PTGIS: variants seen among roughly 807,000 people sequenced by gnomAD.
PTGIS encodes the protein prostaglandin I2 synthase, also known as prostacyclin synthase.
In PTGIS, 45 loss-of-function variants were observed where a neutral mutation model predicts 50.3. The observed-to-expected ratio is 0.90, with a 90% CI of 0.70 to 1.15. PTGIS has a LOEUF of 1.15. PTGIS is among the 50% of genes most tolerant of loss of function. PTGIS has a pLI of 0.00. For missense variants in PTGIS, 668 were observed against 661.3 expected, an observed-to-expected ratio of 1.01 and a Z score of -0.11; for synonymous variants, 260 against 267.7, an observed-to-expected ratio of 0.97 and a Z score of 0.28.
Position 49,513,136 on chromosome 20 carries a change from G to A in PTGIS, c.1150C>T (p.Leu384Phe). ...TGGGGGCTCAGGAAGGGGAAGAGGA[G>A]GAGGCGGTCACCACGTCGCAGGTTG... The part of the protein sequence containing the change: ...EFNLRRGDRL[L>F]LFPFLSPQRD... Residue 384 changes from leucine (L) to phenylalanine (F), a missense_variant, in exon 8 of 10, where the codon CTC becomes TTC. Physicochemically the swap from Leu to Phe is conservative, Grantham distance 22. Transcript: ENST00000244043. The A allele has an allele frequency of 6.2e-7, 1 of 1,614,196 alleles. No individual in the cohort carries two copies. Among genetic ancestry groups the A allele is most frequent in the Non-Finnish European group, 8.5e-7 (1 of 1,180,036 alleles).
Position 49,541,346 on chromosome 20 carries a change from T to C in PTGIS, c.522-1625A>G, listed in dbSNP as rs115003908. Among the ~76,000 whole-genome samples the C allele has an allele frequency of 3.9e-3, 601 of 152,292 alleles. 2 individuals carry two copies. Among genetic ancestry groups the C allele is most frequent in the Middle Eastern group, 0.017 (5 of 294 alleles). ...TGCAGTTGACACTGGTCATCATTTATCATCACACTTGCACTGTTGTTTTTT... is the reference window on the plus strand; with the variant it reads ...TGCAGTTGACACTGGTCATCATTTACCATCACACTTGCACTGTTGTTTTTT... On this transcript the variant is annotated intron_variant, in intron 4 of 9. Coordinates refer to ENST00000244043, the MANE Select transcript of PTGIS (RefSeq NM_000961.4).
intron 3 of PTGIS, 60 bp from the exon 4 acceptor site, chr20:49,544,508 G>C (rs977069113): frequency 1.4e-5 from 22 of 1,599,056 alleles, no homozygotes; most frequent in African/African-American, 1.3e-4. Context: ...ACACCTACAG[G>C]CACCTCCCTC....
rs1260810630 is a variant in PTGIS at position 49,507,902 on chromosome 20, A to C, written c.*18T>G. The C allele has an allele frequency of 6.2e-7, 1 of 1,609,612 alleles. No individual in the cohort carries two copies. The highest frequency in any genetic ancestry group is 1.1e-5 in the South Asian group (1 of 91,082). On this transcript the variant is annotated 3_prime_UTR_variant, in exon 10 of 10. Transcript: ENST00000244043. Reference sequence around the variant, plus strand: ...AGGCTGGGCAGAGGCGAGCACGTGGATCCATCTGCTCCCTGTGTCATGGGC... The same window carrying C: ...AGGCTGGGCAGAGGCGAGCACGTGGCTCCATCTGCTCCCTGTGTCATGGGC...
rs1221633227 is a variant in PTGIS, at chr20:49,540,234, G to A, written c.522-513C>T. Among the ~76,000 whole-genome samples, 1 of 152,188 alleles carries A rather than the reference G, an allele frequency of 6.6e-6. No individual in the cohort carries two copies. Among genetic ancestry groups the A allele is most frequent in the Non-Finnish European group, 1.5e-5 (1 of 68,020 alleles). On this transcript the variant is annotated intron_variant, in intron 4 of 9. Transcript: ENST00000244043. This position sits in a 1 kb window ranked among gnomAD's most constrained non-coding sequence, Gnocchi z 4.8. ...GCAGAGAGCTCGAGGGGACGGTGCT[G>A]AGATGGGGGCACAGAGAAGGGGAGG...
chr20:49,548,158 C>T (rs972561874), intron 2 of PTGIS, 139 bp from the exon 3 acceptor site: 2 of 795,084 alleles, frequency 2.5e-6, no homozygotes, highest in African/African-American at 3.4e-5. Context: ...TGCCTCACTA[C>T]CACCTACCAC....
chr20:49,515,110 T>C (rs1981442526), intron 6 of PTGIS, among the ~76,000 whole-genome samples: 1 of 152,228 alleles, frequency 6.6e-6, no homozygotes, highest in Admixed American at 6.5e-5. Context: ...AGCTAACTGG[T>C]GTGATATCTA....
At chr20:49,526,699 A>G (rs1269754045) in intron 5 of PTGIS, among the ~76,000 whole-genome samples, 3 of 152,236 alleles carry the variant, frequency 2.0e-5, no homozygotes, top group Non-Finnish European at 4.4e-5. Context: ...CAAAGAAGAG[A>G]TACAAATGGC....
chr20:49,559,543 A>G (rs188174086), intron 1 of PTGIS, among the ~76,000 whole-genome samples: 1 of 152,172 alleles, frequency 6.6e-6, no homozygotes, highest in Non-Finnish European at 1.5e-5. Context: ...AGTGAAAACA[A>G]CTCAAGTGTT....
At chr20:49,563,193 T>C (rs1982819396) in intron 1 of PTGIS, among the ~76,000 whole-genome samples, 1 of 152,178 alleles carries the variant, frequency 6.6e-6, no homozygotes, top group Non-Finnish European at 1.5e-5. Flanking sequence ...AAAGGGGGCT[T>C]AGTTGCACAG....
intron 1 of PTGIS, among the ~76,000 whole-genome samples, chr20:49,558,973 C>T (rs1982693079): frequency 6.6e-6 from 1 of 151,974 alleles, no homozygotes; most frequent in Non-Finnish European, 1.5e-5. Context: ...TCCGCTTCAC[C>T]AAGTGCTGGG....
intron 1 of PTGIS, among the ~76,000 whole-genome samples, chr20:49,567,713 A>C (rs1982935807): frequency 6.6e-6 from 1 of 151,482 alleles, no homozygotes; most frequent in African/African-American, 2.4e-5. Context: ...CCACCCACAA[A>C]CCCTCGGTCC....
chr20:49,544,660 G>A (rs1248306664), intron 3 of PTGIS, among the ~76,000 whole-genome samples: 4 of 152,090 alleles, frequency 2.6e-5, no homozygotes, highest in African/African-American at 9.7e-5. Context: ...ATCTCATTTC[G>A]TCTTCAGACA....
At chr20:49,517,073 G>A (rs186340093) in intron 6 of PTGIS, among the ~76,000 whole-genome samples, 20 of 152,322 alleles carry the variant, frequency 1.3e-4, no homozygotes, top group African/African-American at 3.8e-4. Flanking sequence ...CACGTGCTGC[G>A]CCCATAGTAG....
intron 1 of PTGIS, among the ~76,000 whole-genome samples, chr20:49,560,887 A>G (rs1002211629): frequency 1.3e-5 from 2 of 152,096 alleles, no homozygotes; most frequent in Non-Finnish European, 2.9e-5. Context: ...CACGCGTGGC[A>G]GGGATCCACT....
intron 1 of PTGIS, among the ~76,000 whole-genome samples, chr20:49,554,058 C>A (rs1471518143): frequency 6.6e-6 from 1 of 152,056 alleles, no homozygotes; most frequent in Non-Finnish European, 1.5e-5. Flanking sequence ...ACAAAATTTT[C>A]TTAAGGTATT....
At chr20:49,562,938 T>G (rs1473567446) in intron 1 of PTGIS, among the ~76,000 whole-genome samples, 1 of 152,212 alleles carries the variant, frequency 6.6e-6, no homozygotes, top group Non-Finnish European at 1.5e-5. Flanking sequence ...GAACAGTGGC[T>G]GGTCTGAATG....
At chr20:49,536,592 T>C (rs991855345) in intron 5 of PTGIS, among the ~76,000 whole-genome samples, 11 of 147,852 alleles carry the variant, frequency 7.4e-5, no homozygotes, top group Non-Finnish European at 1.2e-4. Flanking sequence ...GCAATTCTCC[T>C]ACCTCAGCTT....
chr20:49,547,383 G>A (rs1387046648), intron 3 of PTGIS, among the ~76,000 whole-genome samples: 2 of 152,176 alleles, frequency 1.3e-5, no homozygotes, highest in Non-Finnish European at 2.9e-5. Flanking sequence ...CAGCATTGTT[G>A]TGAAGACTAA....
intron 6 of PTGIS, among the ~76,000 whole-genome samples, chr20:49,514,942 C>G (rs1347892014): frequency 6.6e-6 from 1 of 152,214 alleles, no homozygotes; most frequent in Admixed American, 6.5e-5. Context: ...TGTGTTTCCA[C>G]TTGCTCGGCA....
Sources: gnomAD v4.1 joint callset for allele counts (sites outside exome capture counted in the v4.1 genomes callset) on GRCh38, gnomAD v4.1.1 for gene constraint, Gnocchi (gnomAD v3.1) non-coding constraint, MANE v1.5 for transcripts, NCBI Gene and HGNC (gene_info 2026-07-23, HGNC 2026-07-21) for gene names.